SLC13A3: variants seen among roughly 807,000 people sequenced by gnomAD.
SLC13A3 encodes the protein Na(+)/dicarboxylate cotransporter 3.
A neutral mutation model predicts 59.0 loss-of-function variants in SLC13A3; 40 were observed. The observed-to-expected ratio is 0.68, with a 90% CI of 0.53 to 0.88. The LOEUF is 0.88. SLC13A3 is among the 40% of genes least tolerant of loss of function. The pLI, the probability that SLC13A3 is intolerant of heterozygous loss-of-function variation, is 0.00. For missense variants in SLC13A3, 699 were observed against 783.2 expected (o/e 0.89, Z 1.28); for synonymous variants, 317 against 330.3 (o/e 0.96, Z 0.44).
chr20:46,576,939 C>T (rs1360644333), intron 9 of SLC13A3, among the ~76,000 whole-genome samples: 1 of 152,168 alleles, frequency 6.6e-6, no homozygotes, highest in East Asian at 1.9e-4. Flanking sequence ...CAAGTGTATG[C>T]AGCCCACAGG....
At chr20:46,560,891 C>A (rs1037160200) in intron 12 of SLC13A3, among the ~76,000 whole-genome samples, 1 of 152,204 alleles carries the variant, frequency 6.6e-6, no homozygotes, top group South Asian at 2.1e-4. Flanking sequence ...TTCACATAGC[C>A]CAGGCTGAAT....
chr20:46,584,374 A>G, intron 8 of SLC13A3: 2 of 985,442 alleles, frequency 2.0e-6, no homozygotes, highest in Non-Finnish European at 2.4e-6. Flanking sequence ...AGCATTGGAC[A>G]CAATTCAATA....
intron 8 of SLC13A3, chr20:46,585,650 G>C (rs116351524): frequency 7.8e-7 from 1 of 1,280,448 alleles, no homozygotes; most frequent in Admixed American, 2.7e-5. Flanking sequence ...TTGTTTAAAA[G>C]TCAGGAAAGA....
chr20:46,636,724 C>G (rs551785324), intron 1 of SLC13A3, among the ~76,000 whole-genome samples: 67 of 152,308 alleles, frequency 4.4e-4, no homozygotes, highest in Non-Finnish European at 7.8e-4. Context: ...TTGGCTCTGT[C>G]CTGGATCATC....
intron 6 of SLC13A3, 146 bp downstream of exon 6, chr20:46,592,258 T>A (rs138541113): frequency 1.0e-6 from 1 of 968,806 alleles, no homozygotes; most frequent in Non-Finnish European, 1.5e-6. Flanking sequence ...CATATATACA[T>A]ACCTACATAC....
At chr20:46,629,844 C>G (rs759217226) in intron 1 of SLC13A3, among the ~76,000 whole-genome samples, 4 of 152,130 alleles carry the variant, frequency 2.6e-5, no homozygotes, top group Admixed American at 2.6e-4. Flanking sequence ...AATATCTGTC[C>G]GATAGTTTCT....
chr20:46,582,623 AG>A, intron 9 of SLC13A3: 1 of 984,812 alleles, frequency 1.0e-6, no homozygotes, highest in Non-Finnish European at 1.2e-6. Context: ...AGAAGAAGAA[AG>A]AAAGAACTGT....
At chr20:46,634,474 A>G (rs774707668) in intron 1 of SLC13A3, among the ~76,000 whole-genome samples, 10 of 152,146 alleles carry the variant, frequency 6.6e-5, no homozygotes, top group Non-Finnish European at 1.2e-4. Context: ...ACAAGACTCA[A>G]TGGGGGAAAC....
intron 12 of SLC13A3, among the ~76,000 whole-genome samples, chr20:46,563,130 C>T (rs532838537): frequency 4.6e-5 from 7 of 152,140 alleles, no homozygotes; most frequent in South Asian, 2.1e-4. Flanking sequence ...TTCTCTCCCC[C>T]GAAGATTCTG....
At chr20:46,620,743 C>T (rs1312336261) in intron 1 of SLC13A3, among the ~76,000 whole-genome samples, 5 of 152,006 alleles carry the variant, frequency 3.3e-5, no homozygotes, top group East Asian at 1.9e-4. Flanking sequence ...AAACAATAGC[C>T]AACACCACAG....
At chr20:46,654,268 G>A (rs1032262259), upstream of SLC13A3, among the ~76,000 whole-genome samples, 16 of 152,060 alleles carry the variant, frequency 1.1e-4, no homozygotes, top group African/African-American at 3.9e-4. Flanking sequence ...GTCTATCCAG[G>A]GCCTTGGTCC....
rs1313279461 is a variant in SLC13A3 at position 46,559,735 on chromosome 20, G to A, written c.*287C>T. The A allele has an allele frequency of 6.0e-6, 2 of 331,800 alleles. No homozygotes were observed. The highest frequency in any genetic ancestry group is 5.6e-5 in the East Asian group (1 of 17,970). 20.6% of individuals were successfully genotyped at this position (331,800 alleles called of 1,614,324 possible). ...CATGCCAGATTTGCTCACTGTTGAT[G>A]ACACTGGGCTGTCTTGTATCCTAAT... On this transcript the variant is annotated 3_prime_UTR_variant, in exon 13 of 13. Transcript: ENST00000279027.
chr20:46,656,311 T>C (rs1034842943), upstream of SLC13A3, among the ~76,000 whole-genome samples: 9 of 129,602 alleles, frequency 6.9e-5, no homozygotes, highest in South Asian at 1.0e-3. Context: ...ATACAGTATA[T>C]ATTATACTGT....
At chr20:46,592,628 G>T (rs1946351147) in intron 5 of SLC13A3, 99 bp from the exon 6 acceptor site, 1 of 1,184,262 alleles carries the variant, frequency 8.4e-7, no homozygotes, top group South Asian at 1.4e-5. Flanking sequence ...CGGGGAGGAG[G>T]AATGAGAGGG....
chr20:46,660,249 T>C (rs1325672416), intron 1 of SLC13A3, among the ~76,000 whole-genome samples: 2 of 152,222 alleles, frequency 1.3e-5, no homozygotes, highest in East Asian at 3.8e-4. Flanking sequence ...GCATTTCTTT[T>C]ACCATTTCTT....
At chr20:46,563,712 A>G (rs2061954857) in intron 11 of SLC13A3, among the ~76,000 whole-genome samples, 161 bp from the exon 12 acceptor site, 1 of 152,166 alleles carries the variant, frequency 6.6e-6, no homozygotes, top group Non-Finnish European at 1.5e-5. Context: ...GGCAGAGAAC[A>G]ACAGGGACAA....
Position 46,560,202 on chromosome 20 carries a change from A to T in SLC13A3, c.1633-4T>A. The T allele has an allele frequency of 6.2e-7, 1 of 1,614,018 alleles. No individual in the cohort carries two copies. Among genetic ancestry groups the T allele is most frequent in the Non-Finnish European group, 8.5e-7 (1 of 1,179,948 alleles). On this transcript the variant is annotated splice_polypyrimidine_tract_variant and splice_region_variant and intron_variant, in intron 12 of 12. Coordinates refer to ENST00000279027, the MANE Select transcript of SLC13A3 (RefSeq NM_022829.6). The stretch of plus-strand genomic sequence containing the variant: ...TCATCAGGAGGCCTGTCCGCACCTG[A>T]AATAGAGCCCAGACAGAGGGAGGGG...
intron 1 of SLC13A3, among the ~76,000 whole-genome samples, chr20:46,656,510 A>G (rs1311667698): frequency 7.1e-6 from 1 of 140,204 alleles, no homozygotes; most frequent in Admixed American, 7.5e-5. Context: ...TACAGTATAT[A>G]TTATACTGTA....
At chr20:46,576,244 C>T (rs112961843) in intron 9 of SLC13A3, among the ~76,000 whole-genome samples, 7 of 152,206 alleles carry the variant, frequency 4.6e-5, no homozygotes, top group South Asian at 4.2e-4. Context: ...GTCACTACTC[C>T]GTCGTTGTAG....
Sources: allele counts gnomAD v4.1 joint callset (sites outside exome capture counted in the v4.1 genomes callset), GRCh38; gene constraint gnomAD v4.1.1; transcripts MANE v1.5; gene names NCBI Gene and HGNC (gene_info 2026-07-23, HGNC 2026-07-21).